The following APOOL variants were observed in gnomAD, a reference collection of about 807,000 sequenced individuals.
The protein encoded by APOOL is apolipoprotein O like, also known as MICOS complex subunit MIC27.
APOOL carries 12 observed loss-of-function variants against 23.1 expected under a neutral mutation model. The observed-to-expected ratio is 0.52, with a 90% CI of 0.33 to 0.84. The LOEUF is 0.84. APOOL is among the 40% of genes least tolerant of loss of function. The pLI is 0.02. For synonymous variants in APOOL, 77 were observed against 69.9 expected, an observed-to-expected ratio of 1.10 and a Z score of -0.51; for missense variants, 212 against 199.6, an observed-to-expected ratio of 1.06 and a Z score of -0.37.
intron 1 of APOOL, among the ~76,000 whole-genome samples, chrX:85,030,095 G>T (rs773739691): frequency 8.9e-6 from 1 of 111,954 alleles, no homozygotes; most frequent in Non-Finnish European, 1.9e-5. Context: ...GCAAAAACAT[G>T]GAACCAACCT....
intron 1 of APOOL, among the ~76,000 whole-genome samples, chrX:85,038,403 C>A (rs1211159728): frequency 9.1e-6 from 1 of 110,123 alleles, no homozygotes; most frequent in Non-Finnish European, 1.9e-5. Flanking sequence ...TGATGCTAGC[C>A]TCATAGAATG....
intron 1 of APOOL, among the ~76,000 whole-genome samples, chrX:85,032,477 G>A (rs1323677886): frequency 9.2e-6 from 1 of 108,251 alleles, no homozygotes; most frequent in Non-Finnish European, 1.9e-5. Context: ...TCGCGCCATT[G>A]CACTCCAGCC....
At chrX:85,070,125 T>C (rs886298055) in intron 6 of APOOL, among the ~76,000 whole-genome samples, 1 of 111,603 alleles carries the variant, frequency 9.0e-6, no homozygotes, top group East Asian at 2.8e-4. Flanking sequence ...ATATTCAACA[T>C]TCTACAAACA....
intron 1 of APOOL, among the ~76,000 whole-genome samples, chrX:85,016,445 C>T (rs1360453231): frequency 9.1e-6 from 1 of 110,326 alleles, no homozygotes; most frequent in Admixed American, 9.6e-5. Context: ...TGTGTTTCAG[C>T]TACTTGGATC....
At chrX:85,049,260 A>G (rs1174912916) in intron 2 of APOOL, among the ~76,000 whole-genome samples, 6 of 111,562 alleles carry the variant, frequency 5.4e-5, no homozygotes, top group African/African-American at 1.6e-4. Flanking sequence ...GCTTTTCTCA[A>G]TGGAGGCTAT....
intron 5 of APOOL, among the ~76,000 whole-genome samples, chrX:85,060,733 A>G (rs1054291916): frequency 4.5e-5 from 5 of 111,630 alleles, no homozygotes; most frequent in East Asian, 2.8e-4. Flanking sequence ...TGATTTTTCT[A>G]TCCTGAGACT....
At chrX:85,028,456 C>T (rs1027419167) in intron 1 of APOOL, among the ~76,000 whole-genome samples, 3 of 111,185 alleles carry the variant, frequency 2.7e-5, no homozygotes, top group Admixed American at 9.5e-5. Context: ...GATATTTTGA[C>T]GTAGGCATGC....
chrX:85,093,127 G>C lies in APOOL; in HGVS notation c.*5449G>C. On this transcript the variant is annotated 3_prime_UTR_variant, in exon 9 of 9. Coordinates refer to ENST00000373173, the MANE Select transcript of APOOL (RefSeq NM_198450.6). Reference sequence around the variant, plus strand: ...ATTAATGATTTAATTTATGCCCTGTGAATATTTATTAAGAAAAGGTTAATG... The same window carrying C: ...ATTAATGATTTAATTTATGCCCTGTCAATATTTATTAAGAAAAGGTTAATG... 9.6e-7 allele frequency: 1 copy of C among 1,045,623 alleles called. No homozygotes were observed. The allele number at this position is 1,045,623 out of a possible 1,213,427, so 86.2% of individuals were successfully genotyped here.
At chrX:85,008,507 CT>C (rs947288690) in intron 1 of APOOL, among the ~76,000 whole-genome samples, 15 of 95,192 alleles carry the variant, frequency 1.6e-4, no homozygotes, top group African/African-American at 5.6e-4. Context: ...GGATTTCTTT[CT>C]TTTTTTTATG....
intron 6 of APOOL, 77 bp from the exon 7 acceptor site, chrX:85,073,921 A>G: frequency 4.3e-6 from 3 of 705,560 alleles, no homozygotes; most frequent in Non-Finnish European, 6.1e-6. Flanking sequence ...CATATAAAAT[A>G]CCTGACAAAT....
rs904257660 is a variant in APOOL, at chrX:85,055,914, C to T, written c.383C>T (p.Ser128Leu). Residue 128 changes from serine (S) to leucine (L), a missense_variant, in exon 5 of 9, where the codon TCA becomes TTA. Ser to Leu is a moderately radical substitution (Grantham distance 145, BLOSUM62 -2). Coordinates refer to ENST00000373173, the MANE Select transcript of APOOL (RefSeq NM_198450.6). ...GTTTCAGGATTGGCGGGCTTGGTTT[C>T]AGCGAGAAAAGGTAGGGTTTTAAAA... ...ITVSGLAGLVSARKGSKFKKI... is the reference protein window; with the variant it reads ...ITVSGLAGLVLARKGSKFKKI... 2.5e-6 allele frequency: 3 copies of T among 1,189,217 alleles called. No homozygotes were observed. The African/African-American group carries it at 5.3e-5, about 21-fold the overall frequency.
At chrX:85,045,890 G>T (rs1922556332) in intron 1 of APOOL, among the ~76,000 whole-genome samples, 1 of 111,590 alleles carries the variant, frequency 9.0e-6, no homozygotes, top group Non-Finnish European at 1.9e-5. Flanking sequence ...GATGCAGCCT[G>T]CATCACTCAG....
Position 85,092,928 on chromosome X carries a change from CCTT to C in APOOL, c.*5254_*5256del, listed in dbSNP as rs754124765. On this transcript the variant is annotated 3_prime_UTR_variant, in exon 9 of 9. Transcript: ENST00000373173. Reference sequence around the variant, plus strand: ...AATAAAAATGCTTTCTAATCTCCCTCCTTCTTACTTTCCCTTGATAGCAAAAAG... The same window carrying C: ...AATAAAAATGCTTTCTAATCTCCCTCCTTACTTTCCCTTGATAGCAAAAAG... 1.5e-5 allele frequency: 5 copies of C among 329,249 alleles called. No individual in the cohort carries two copies. Among genetic ancestry groups the C allele is most frequent in the Non-Finnish European group, 2.6e-5 (5 of 188,720 alleles). 27.1% of individuals were successfully genotyped at this position (329,249 alleles called of 1,213,427 possible).
chrX:85,086,521 G>A (rs1409427530), intron 8 of APOOL, among the ~76,000 whole-genome samples: 1 of 111,339 alleles, frequency 9.0e-6, no homozygotes, highest in African/African-American at 3.3e-5. Flanking sequence ...GTCCATTTAG[G>A]AAATCTTGTC....
chrX:85,048,284 A>AT (rs1033333903), intron 2 of APOOL, among the ~76,000 whole-genome samples: 6 of 108,679 alleles, frequency 5.5e-5, no homozygotes, highest in East Asian at 2.9e-4. Flanking sequence ...GATTCTAAGT[A>AT]TTTTTTTATT....
chrX:85,060,980 C>T (rs1923194621), intron 5 of APOOL, among the ~76,000 whole-genome samples: 1 of 111,389 alleles, frequency 9.0e-6, no homozygotes, highest in Non-Finnish European at 1.9e-5. Context: ...GGAATGCTTC[C>T]AGTTTTTGCC....
intron 4 of APOOL, among the ~76,000 whole-genome samples, chrX:85,055,599 G>GA (rs1922932821): frequency 9.0e-6 from 1 of 111,418 alleles, no homozygotes; most frequent in Non-Finnish European, 1.9e-5. Context: ...GTATCATTAG[G>GA]AAAAGAAATA....
chrX:85,029,879 G>A (rs1039666536), intron 1 of APOOL, among the ~76,000 whole-genome samples: 1 of 112,090 alleles, frequency 8.9e-6, no homozygotes, highest in Admixed American at 9.5e-5. Flanking sequence ...TCATGTGGAT[G>A]TGGTGAAAAG....
rs1924369404 is a variant in APOOL at position 85,087,821 on chromosome X, A to G, written c.*143A>G. The G allele has an allele frequency of 2.2e-6, 1 of 459,340 alleles. No individual in the cohort carries two copies. Among genetic ancestry groups the G allele is most frequent in the Non-Finnish European group, 3.5e-6 (1 of 282,812 alleles). 37.9% of individuals were successfully genotyped at this position (459,340 alleles called of 1,213,427 possible). On this transcript the variant is annotated 3_prime_UTR_variant, in exon 9 of 9. Coordinates refer to ENST00000373173, the MANE Select transcript of APOOL (RefSeq NM_198450.6). ...TCTCCCTTACATTTCCAAATATGCCATTTGATAAATTACATAAGTGGTTAA... is the reference window on the plus strand; with the variant it reads ...TCTCCCTTACATTTCCAAATATGCCGTTTGATAAATTACATAAGTGGTTAA...
Sources: gnomAD v4.1 joint callset for allele counts (sites outside exome capture counted in the v4.1 genomes callset) on GRCh38, gnomAD v4.1.1 for gene constraint, MANE v1.5 for transcripts, NCBI Gene and HGNC (gene_info 2026-07-23, HGNC 2026-07-21) for gene names.